The following CDK14 variants were observed in gnomAD, a reference collection of about 807,000 sequenced individuals.
The protein encoded by CDK14 is cyclin-dependent kinase 14.
CDK14 carries 34 observed loss-of-function variants against 60.7 expected under a neutral mutation model. The observed-to-expected ratio is 0.56, with a 90% confidence interval of 0.43 to 0.75. The LOEUF (loss-of-function observed/expected upper bound fraction) is 0.75. Ranked by LOEUF, CDK14 falls within the 30% of genes least tolerant of loss-of-function variation. The probability of loss-of-function intolerance (pLI) is 0.00; values close to 1 mark genes in which losing one functional copy is unlikely to be tolerated. For missense variants in CDK14, 482 were observed against 564.1 expected, an observed-to-expected ratio of 0.85 and a Z score of 1.47; for synonymous variants, 197 against 203.7, an observed-to-expected ratio of 0.97 and a Z score of 0.28.
intron 8 of CDK14, among the ~76,000 whole-genome samples, chr7:90,920,740 A>G (rs967607786): frequency 6.6e-6 from 1 of 152,224 alleles, no homozygotes; most frequent in Admixed American, 6.5e-5. Flanking sequence ...TTATAAATAG[A>G]TTACACTGGT....
chr7:90,991,706 G>GTA (rs1355897726), intron 10 of CDK14, among the ~76,000 whole-genome samples: 2 of 152,168 alleles, frequency 1.3e-5, no homozygotes, highest in Non-Finnish European at 2.9e-5. Flanking sequence ...CCCCAAAAGT[G>GTA]TAAGAGTCAA....
intron 2 of CDK14, among the ~76,000 whole-genome samples, chr7:90,604,960 C>G (rs4141386): frequency 6.6e-6 from 1 of 151,926 alleles, no homozygotes; most frequent in Non-Finnish European, 1.5e-5. Context: ...ACTCATTGAT[C>G]TGTGTTGTAA....
chr7:91,094,995 T>C (rs1798939043), intron 12 of CDK14, among the ~76,000 whole-genome samples: 1 of 152,210 alleles, frequency 6.6e-6, no homozygotes, highest in Non-Finnish European at 1.5e-5. Flanking sequence ...CATAAAGATG[T>C]CATGGAACAT....
Position 90,629,884 on chromosome 7 carries a change from A to G in CDK14, c.123+25635A>G, listed in dbSNP as rs140940748. Among the ~76,000 whole-genome samples, 1,376 of 152,080 alleles carry G rather than the reference A, an allele frequency of 9.0e-3. 13 individuals carry two copies. The highest frequency in any genetic ancestry group is 0.031 in the African/African-American group (1,269 of 41,474). ...TCTATTAAAAATACAAAAATTAGCCAGGCGTGGTGGCGTGCGCCTGTAATC... is the reference window on the plus strand; with the variant it reads ...TCTATTAAAAATACAAAAATTAGCCGGGCGTGGTGGCGTGCGCCTGTAATC... On this transcript the variant is annotated intron_variant, in intron 2 of 14. Coordinates refer to ENST00000380050, the MANE Select transcript of CDK14 (RefSeq NM_001287135.2).
chr7:90,941,408 C>T (rs1469611323), intron 8 of CDK14, among the ~76,000 whole-genome samples: 1 of 152,116 alleles, frequency 6.6e-6, no homozygotes, highest in Non-Finnish European at 1.5e-5. Flanking sequence ...CTTTCCAGGA[C>T]ATTGGGGCTC....
intron 5 of CDK14, among the ~76,000 whole-genome samples, chr7:90,796,755 T>C (rs1436274422): frequency 6.7e-6 from 1 of 150,370 alleles, no homozygotes; most frequent in Admixed American, 6.6e-5. Flanking sequence ...GATTTTGAGC[T>C]CATGAGACAT....
chr7:90,956,595 AT>A (rs994178203), intron 9 of CDK14, among the ~76,000 whole-genome samples: 4 of 152,152 alleles, frequency 2.6e-5, no homozygotes, highest in Admixed American at 2.0e-4. Flanking sequence ...GCACATGGCT[AT>A]TTTTTTATTT....
rs138200437 is a variant in CDK14, at chr7:90,807,930, A to G, written c.544+17278A>G. ...AGTTTAGAGAAAAAAGAATAAAAAGAAATGAACAAAGCCTCCAAGAAATAT... is the reference window on the plus strand; with the variant it reads ...AGTTTAGAGAAAAAAGAATAAAAAGGAATGAACAAAGCCTCCAAGAAATAT... On this transcript the variant is annotated intron_variant, in intron 5 of 14. Transcript: ENST00000380050. 7.3e-3 allele frequency among the ~76,000 whole-genome samples: 1,107 copies of G among 152,302 alleles called. 19 individuals carry two copies. Among genetic ancestry groups the G allele is most frequent in the African/African-American group, 0.026 (1,071 of 41,562 alleles).
intron 12 of CDK14, among the ~76,000 whole-genome samples, chr7:91,092,695 C>G (rs1350808221): frequency 2.6e-5 from 4 of 152,112 alleles, no homozygotes; most frequent in Non-Finnish European, 5.9e-5. Context: ...AATGCAGATT[C>G]AGATAAGCAT....
chr7:90,822,177 T>G (rs1272721727), intron 5 of CDK14, among the ~76,000 whole-genome samples: 1 of 152,268 alleles, frequency 6.6e-6, no homozygotes, highest in Admixed American at 6.5e-5. Context: ...TCTAGCAGAA[T>G]GCTAGGCTCA....
At chr7:90,912,700 C>A (rs190238862) in intron 7 of CDK14, among the ~76,000 whole-genome samples, 1 of 152,182 alleles carries the variant, frequency 6.6e-6, no homozygotes, top group Admixed American at 6.5e-5. Context: ...CTCCACCTCT[C>A]GGGCTCAAGC....
chr7:90,736,344 GTTTTT>G lies in CDK14; in HGVS notation c.369+9533_369+9537del, dbSNP rs1355024275. Among the ~76,000 whole-genome samples, 150 of 41,018 alleles carry G rather than the reference GTTTTT, an allele frequency of 3.7e-3. 3 individuals carry two copies. The highest frequency in any genetic ancestry group is 7.0e-3 in the African/African-American group (78 of 11,160). 26.9% of individuals were successfully genotyped at this position (41,018 alleles called of 152,430 possible). Reference sequence around the variant, plus strand: ...GTGATAAGAAGGGGTACTTTATTATGTTTTTGTTTTTTTTTTTTTTTTTTTTTTTT... The same window carrying G: ...GTGATAAGAAGGGGTACTTTATTATGGTTTTTTTTTTTTTTTTTTTTTTTT... On this transcript the variant is annotated intron_variant, in intron 3 of 14. Coordinates refer to ENST00000380050, the MANE Select transcript of CDK14 (RefSeq NM_001287135.2).
At chr7:91,146,661 A>G (rs1800648880) in intron 14 of CDK14, among the ~76,000 whole-genome samples, 1 of 152,232 alleles carries the variant, frequency 6.6e-6, no homozygotes, top group Admixed American at 6.5e-5. Flanking sequence ...AGAAAGAGTT[A>G]AAATCAGATC....
chr7:91,162,708 C>T (rs1344162918), intron 14 of CDK14, among the ~76,000 whole-genome samples: 1 of 152,204 alleles, frequency 6.6e-6, no homozygotes. Context: ...AAATAATAGT[C>T]ATATCTACCT....
chr7:91,146,321 C>T (rs1800637653), intron 14 of CDK14, among the ~76,000 whole-genome samples: 1 of 152,170 alleles, frequency 6.6e-6, no homozygotes, highest in African/African-American at 2.4e-5. Flanking sequence ...CCGCCTCAGC[C>T]TCCTGAGTAT....
intron 2 of CDK14, among the ~76,000 whole-genome samples, chr7:90,689,915 C>T (rs1801519641): frequency 6.6e-6 from 1 of 152,062 alleles, no homozygotes; most frequent in Admixed American, 6.6e-5. Flanking sequence ...GATGATATAA[C>T]AGGAAGGGAA....
chr7:90,858,363 G>A (rs1335573483), intron 5 of CDK14, among the ~76,000 whole-genome samples: 3 of 152,124 alleles, frequency 2.0e-5, no homozygotes, highest in African/African-American at 7.2e-5. Flanking sequence ...GAGAAGAAAG[G>A]CAGTAATTGG....
chr7:91,124,388 T>G (rs765056739), intron 14 of CDK14, among the ~76,000 whole-genome samples: 1 of 152,190 alleles, frequency 6.6e-6, no homozygotes, highest in Non-Finnish European at 1.5e-5. Context: ...CACTAAACCA[T>G]GTATGTTACT....
intron 14 of CDK14, among the ~76,000 whole-genome samples, chr7:91,164,685 A>G (rs911002997): frequency 6.6e-6 from 1 of 152,228 alleles, no homozygotes; most frequent in Non-Finnish European, 1.5e-5. Flanking sequence ...GGAAACTGTC[A>G]TACTCAGAGT....
Sources: gnomAD v4.1 joint callset for allele counts (sites outside exome capture counted in the v4.1 genomes callset) on GRCh38, gnomAD v4.1.1 for gene constraint, MANE v1.5 for transcripts, NCBI Gene and HGNC (gene_info 2026-07-23, HGNC 2026-07-21) for gene names.